The following SPRTN variants were observed in gnomAD, a reference collection of about 807,000 sequenced individuals.
The protein encoded by SPRTN is DNA-dependent metalloprotease SPRTN.
Under a neutral mutation model 31.9 loss-of-function variants are expected in SPRTN, and 11 were observed. That is an observed-to-expected ratio of 0.34 (90% confidence interval 0.22 to 0.57). SPRTN has a LOEUF of 0.57. SPRTN is among the 20% of genes least tolerant of loss of function. SPRTN has a pLI of 0.86. For missense variants in SPRTN, 482 were observed against 590.1 expected, an observed-to-expected ratio of 0.82 and a Z score of 1.90; for synonymous variants, 185 against 212.1, an observed-to-expected ratio of 0.87 and a Z score of 1.11.
chr1:231,340,044 TAG>T, intron 2 of SPRTN, 176 bp downstream of exon 2: 1 of 403,554 alleles, frequency 2.5e-6, no homozygotes, highest in East Asian at 4.2e-5. Context: ...TAGTGCTTCA[TAG>T]TAAAAAAAAA....
intron 4 of SPRTN, 169 bp downstream of exon 4, chr1:231,351,740 A>G: frequency 1.4e-6 from 2 of 1,428,030 alleles, no homozygotes; most frequent in Non-Finnish European, 1.8e-6. Context: ...AAATGATGGT[A>G]GGAAAACAGA....
At position 231,355,007 on chromosome 1, in the gene SPRTN, A is replaced by G; in HGVS notation, c.*1646A>G. On this transcript the variant is annotated 3_prime_UTR_variant, in exon 5 of 5. Coordinates refer to ENST00000295050, the MANE Select transcript of SPRTN (RefSeq NM_032018.7). ...TTAAAGCATTAAAACATTTTAATAA[A>G]TACTTATAAATAGGTATTAAAATGT... 1.4e-6 allele frequency: 1 copy of G among 714,162 alleles called. No individual in the cohort carries two copies. The highest frequency in any genetic ancestry group is 1.7e-6 in the Non-Finnish European group (1 of 582,712). 44.2% of individuals were successfully genotyped at this position (714,162 alleles called of 1,614,324 possible). A position where few individuals can be genotyped will look rare whatever the true frequency, so the allele number is the denominator to read the frequency against.
At position 231,351,325 on chromosome 1, in the gene SPRTN, G is replaced by A; in HGVS notation, c.472G>A (p.Glu158Lys). The A allele has an allele frequency of 6.2e-7, 1 of 1,606,830 alleles. No individual in the cohort carries two copies. The highest frequency in any genetic ancestry group is 1.1e-5 in the South Asian group (1 of 90,314). ...NITVYHTFHD[E>K]VDEYRRHWWR... is the part of the protein sequence containing the mutation. ...TCAGGTATACCATACTTTTCACGAT[G>A]AGGTGGATGAGTATCGGCGACACTG... The change falls in exon 4 of 5, where the codon GAG (glutamate) becomes AAG (lysine). Residue 158 changes from glutamate (E) to lysine (K), a missense_variant. By Grantham distance (56) the Glu-to-Lys change is moderately conservative. Around this residue, in one of 2 missense-constraint regions of SPRTN, gnomAD observed 157 missense variants for 239.9 expected, o/e 0.65. Coordinates refer to ENST00000295050, the MANE Select transcript of SPRTN (RefSeq NM_032018.7).
At chr1:231,350,458 T>C (rs1687191082) in intron 3 of SPRTN, among the ~76,000 whole-genome samples, 2 of 152,046 alleles carry the variant, frequency 1.3e-5, no homozygotes, top group Admixed American at 1.3e-4. Flanking sequence ...CTCTTTTCAG[T>C]CAGGTCTTTT....
chr1:231,340,145 G>A, intron 2 of SPRTN: 1 of 248,984 alleles, frequency 4.0e-6, no homozygotes, highest in Admixed American at 5.4e-5. Context: ...GGCGGATCAC[G>A]AGGTCAGAAG....
chr1:231,353,495 T>C lies in SPRTN; in HGVS notation c.*134T>C, dbSNP rs1480988111. 28 of 1,409,664 alleles carry C rather than the reference T, an allele frequency of 2.0e-5. No homozygotes were observed. The highest frequency in any genetic ancestry group is 2.4e-5 in the Non-Finnish European group (26 of 1,090,252). The allele number at this position is 1,409,664 out of a possible 1,614,324, so 87.3% of individuals were successfully genotyped here. A position where few individuals can be genotyped will look rare whatever the true frequency, so the allele number is the denominator to read the frequency against. On this transcript the variant is annotated 3_prime_UTR_variant, in exon 5 of 5. Coordinates refer to ENST00000295050, the MANE Select transcript of SPRTN (RefSeq NM_032018.7). ...CACATAACCAATAGAAAGTGTCCTA[T>C]TTTATATATACGCATATAAGATTGT...
In SPRTN at chr1:231,354,971, T is replaced by G. The variant is rs1385166909; in HGVS notation, c.*1610T>G. 2 of 938,562 alleles carry G rather than the reference T, an allele frequency of 2.1e-6. No homozygotes were observed. Among genetic ancestry groups the G allele is most frequent in the Non-Finnish European group, 2.5e-6 (2 of 787,342 alleles). The allele number at this position is 938,562 out of a possible 1,614,324, so 58.1% of individuals were successfully genotyped here. A position where few individuals can be genotyped will look rare whatever the true frequency, so the allele number is the denominator to read the frequency against. On this transcript the variant is annotated 3_prime_UTR_variant, in exon 5 of 5. Transcript: ENST00000295050. ...TTAGACTGGTTGGCTGTTCACAAAT[T>G]TTGATATTCCTTAAAGCATTAAAAC...
chr1:231,345,649 C>A (rs988651303), intron 2 of SPRTN, among the ~76,000 whole-genome samples: 1 of 152,192 alleles, frequency 6.6e-6, no homozygotes, highest in Non-Finnish European at 1.5e-5. Context: ...AAGACAAATG[C>A]ATTTGTAATT....
At chr1:231,351,879 G>T in intron 4 of SPRTN, 2 of 1,032,474 alleles carry the variant, frequency 1.9e-6, no homozygotes, top group Non-Finnish European at 2.3e-6. Flanking sequence ...TTGAGGTAAA[G>T]TTCCTTTCCC....
At chr1:231,344,668 C>G (rs1370024410) in intron 2 of SPRTN, 1 of 294,174 alleles carries the variant, frequency 3.4e-6, no homozygotes, top group Admixed American at 4.0e-5. Flanking sequence ...TCTAGTTCTT[C>G]TGATGGAAAT....
In SPRTN at chr1:231,352,902, T is replaced by G; in HGVS notation, c.1011T>G (p.Phe337Leu). The G allele has an allele frequency of 6.2e-7, 1 of 1,614,176 alleles. No individual in the cohort carries two copies. Among genetic ancestry groups the G allele is most frequent in the South Asian group, 1.1e-5 (1 of 91,086 alleles). The change falls in exon 5 of 5, where the codon TTT (phenylalanine) becomes TTG (leucine). Residue 337 changes from phenylalanine to leucine, a missense_variant. Transcript: ENST00000295050. ...GCAACTACTTTCCTAGAGTATCATT[T>G]GCCAACCAAAAGGCTTTCAGAGGTG... ...VLSNYFPRVSFANQKAFRGVN... is the reference protein window; with the variant it reads ...VLSNYFPRVSLANQKAFRGVN...
intron 3 of SPRTN, among the ~76,000 whole-genome samples, chr1:231,349,003 G>T (rs73116374): frequency 3.1e-4 from 47 of 152,202 alleles, no homozygotes; most frequent in African/African-American, 1.1e-3. Context: ...ATAGGGTCTT[G>T]CTCTGTTGCC....
At position 231,353,489 on chromosome 1, in the gene SPRTN, G is replaced by T. The variant is rs2102876669; in HGVS notation, c.*128G>T. 13 of 1,414,016 alleles carry T rather than the reference G, an allele frequency of 9.2e-6. No individual in the cohort carries two copies. The South Asian group carries it at 1.3e-4, about 14-fold the overall frequency. The allele number at this position is 1,414,016 out of a possible 1,614,324, so 87.6% of individuals were successfully genotyped here. ...CTAGTTCACATAACCAATAGAAAGT[G>T]TCCTATTTTATATATACGCATATAA... On this transcript the variant is annotated 3_prime_UTR_variant, in exon 5 of 5. Coordinates refer to ENST00000295050, the MANE Select transcript of SPRTN (RefSeq NM_032018.7).
At chr1:231,341,173 C>T (rs1392791720) in intron 2 of SPRTN, among the ~76,000 whole-genome samples, 1 of 151,400 alleles carries the variant, frequency 6.6e-6, no homozygotes, top group Non-Finnish European at 1.5e-5. Flanking sequence ...CATGGAATGG[C>T]ATGCTAGATT....
At chr1:231,349,165 A>G (rs203741) in intron 3 of SPRTN, among the ~76,000 whole-genome samples, 1,717 of 152,044 alleles carry the variant, frequency 0.011, 31 homozygotes, top group African/African-American at 0.039. Context: ...TTTTTTAGAG[A>G]CAGGGTCTCA....
At chr1:231,348,023 CTT>C (rs1406501912) in intron 3 of SPRTN, 98 bp downstream of exon 3, 4 of 1,495,458 alleles carry the variant, frequency 2.7e-6, no homozygotes, top group Non-Finnish European at 3.6e-6. Flanking sequence ...AAACAAGTAT[CTT>C]TGAGGATTTT....
intron 3 of SPRTN, among the ~76,000 whole-genome samples, chr1:231,351,067 C>G (rs1291259410): frequency 6.6e-6 from 1 of 151,904 alleles, no homozygotes; most frequent in Non-Finnish European, 1.5e-5. Context: ...ATCCCATGTG[C>G]ATCTATCTTT....
At chr1:231,343,864 TG>T (rs1232558132) in intron 2 of SPRTN, among the ~76,000 whole-genome samples, 1 of 152,052 alleles carries the variant, frequency 6.6e-6, no homozygotes, top group Admixed American at 6.6e-5. Context: ...AGGCTACTCT[TG>T]GCAGAAAGCA....
intron 2 of SPRTN, among the ~76,000 whole-genome samples, chr1:231,346,191 T>TC (rs1687056853): frequency 2.1e-5 from 1 of 48,384 alleles, no homozygotes; most frequent in Non-Finnish European, 6.8e-5. Context: ...TTCTTTTTTT[T>TC]TTTTTTTTTT....
Sources: gnomAD v4.1 joint callset for allele counts (sites outside exome capture counted in the v4.1 genomes callset) on GRCh38, gnomAD v4.1.1 for gene constraint, gnomAD v4.1.1 regional missense constraint, MANE v1.5 for transcripts, NCBI Gene and HGNC (gene_info 2026-07-23, HGNC 2026-07-21) for gene names.